The following METTL15 variants were observed in gnomAD, a reference collection of about 807,000 sequenced individuals.
The protein encoded by METTL15 is 12S rRNA N(4)-cytidine methyltransferase METTL15.
Under a neutral mutation model 38.3 loss-of-function variants are expected in METTL15, and 34 were observed. The observed-to-expected ratio is 0.89, with a 90% CI of 0.68 to 1.18. METTL15 has a LOEUF of 1.18. Ranked by LOEUF, METTL15 falls within the 50% of genes most tolerant of loss-of-function variation. The pLI, the probability that METTL15 is intolerant of heterozygous loss-of-function variation, is 0.00. For missense variants in METTL15, 438 were observed against 498.4 expected (o/e 0.88, Z 1.15); for synonymous variants, 162 against 170.9 (o/e 0.95, Z 0.41).
chr11:28,329,910 T>G (rs1017611411), intron 6 of METTL15, among the ~76,000 whole-genome samples: 1 of 152,180 alleles, frequency 6.6e-6, no homozygotes, highest in Non-Finnish European at 1.5e-5. Context: ...TGGCCTCCAG[T>G]GTGCTCATAA....
intron 3 of METTL15, among the ~76,000 whole-genome samples, chr11:28,159,270 C>T (rs1036575519): frequency 5.9e-5 from 9 of 151,974 alleles, no homozygotes; most frequent in Admixed American, 1.3e-4. Context: ...TCTACTACGC[C>T]GCAACGGAGG....
In METTL15 at chr11:28,290,207, A is replaced by C. The variant is rs1030230112; in HGVS notation, c.409A>C (p.Lys137Gln). ...LAEHLSELYP[K>Q]QIRAMLGQFS... is the part of the protein sequence containing the mutation. ...TCTATCTCCTGGGTTTACTCACAGT[A>C]AACAAATCCGAGCTATGCTGGGCCA... The change falls in exon 5 of 7, where the codon AAA becomes CAA. Residue 137 changes from lysine (K) to glutamine (Q), a missense_variant and splice_region_variant. Physicochemically the swap from Lys to Gln is moderately conservative, Grantham distance 53. Transcript: ENST00000407364. The C allele has an allele frequency of 1.2e-6, 2 of 1,607,434 alleles. No individual in the cohort carries two copies. The highest frequency in any genetic ancestry group is 1.7e-5 in the Admixed American group (1 of 59,058).
At chr11:28,192,431 CT>C (rs545100111) in intron 3 of METTL15, among the ~76,000 whole-genome samples, 358 of 136,640 alleles carry the variant, frequency 2.6e-3, no homozygotes, top group South Asian at 0.013. Flanking sequence ...TTTGATTTGC[CT>C]TTTTTTTTTT....
rs1305959114 is a variant in METTL15 at position 28,401,742 on chromosome 11, T to TA, written c.*359-22548dup. Among the ~76,000 whole-genome samples the TA allele has an allele frequency of 7.9e-5, 12 of 150,994 alleles. No homozygotes were observed. The South Asian group carries it at 8.4e-4, about 11-fold the overall frequency. ...CCTCATTTGGCTAGTTAAGAGTGAC[T>TA]AAAAAAAAACCACTACTCCTTTGTA... is the stretch of plus-strand genomic sequence containing the variant. On this transcript the variant is annotated intron_variant and NMD_transcript_variant, in intron 5 of 7. Transcript: ENST00000532947.
chr11:28,467,243 G>A (rs894483530), intron 6 of METTL15, among the ~76,000 whole-genome samples: 22 of 152,284 alleles, frequency 1.4e-4, no homozygotes, highest in African/African-American at 4.6e-4. Flanking sequence ...AGGGGTAGAG[G>A]GGTGGAGGAT....
chr11:28,493,384 C>A (rs1381612863), intron 6 of METTL15, among the ~76,000 whole-genome samples: 1 of 152,122 alleles, frequency 6.6e-6, no homozygotes, highest in Non-Finnish European at 1.5e-5. Flanking sequence ...ATTAAAGGTA[C>A]AATCATAGCT....
At chr11:28,471,267 T>G (rs1477689650) in intron 6 of METTL15, among the ~76,000 whole-genome samples, 1 of 152,146 alleles carries the variant, frequency 6.6e-6, no homozygotes, top group Non-Finnish European at 1.5e-5. Context: ...ACATACAGCA[T>G]TCCTTGCACT....
intron 3 of METTL15, among the ~76,000 whole-genome samples, chr11:28,128,484 TTTATTTTCAA>T (rs1852596270): frequency 6.6e-6 from 1 of 152,158 alleles, no homozygotes; most frequent in Non-Finnish European, 1.5e-5. Flanking sequence ...GTTATATACA[TTTATTTTCAA>T]GCTTCTTAAA....
chr11:28,414,833 C>T (rs890129622), intron 5 of METTL15, among the ~76,000 whole-genome samples: 10 of 152,156 alleles, frequency 6.6e-5, no homozygotes, highest in African/African-American at 2.2e-4. Context: ...AGATTATAAG[C>T]CACAGAAAGC....
At chr11:28,221,786 C>A (rs1284391740) in intron 4 of METTL15, among the ~76,000 whole-genome samples, 1 of 152,178 alleles carries the variant, frequency 6.6e-6, no homozygotes, top group Non-Finnish European at 1.5e-5. Context: ...GGACCCTCAG[C>A]TGCACATCTG....
At chr11:28,239,857 T>C (rs1854212332) in intron 4 of METTL15, among the ~76,000 whole-genome samples, 1 of 152,236 alleles carries the variant, frequency 6.6e-6, no homozygotes, top group South Asian at 2.1e-4. Flanking sequence ...TTATATTTTG[T>C]TATACAACAT....
At chr11:28,149,066 A>C (rs1376334211) in intron 3 of METTL15, among the ~76,000 whole-genome samples, 2 of 151,960 alleles carry the variant, frequency 1.3e-5, no homozygotes, top group Admixed American at 1.3e-4. Context: ...AGCTTTTGAG[A>C]AAGGCAATAA....
intron 3 of METTL15, among the ~76,000 whole-genome samples, chr11:28,143,194 G>C (rs1475291092): frequency 1.3e-5 from 2 of 151,938 alleles, no homozygotes; most frequent in Admixed American, 1.3e-4. Flanking sequence ...CTGTTTTGGA[G>C]CTCAGAGGTA....
At chr11:28,336,156 G>A (rs144777959), downstream of METTL15, among the ~76,000 whole-genome samples, 12 of 150,342 alleles carry the variant, frequency 8.0e-5, no homozygotes, top group East Asian at 2.3e-3. Context: ...TCACTCCCAT[G>A]TATTATTTAT....
At chr11:28,122,251 C>G in intron 3 of METTL15, 6 of 1,071,926 alleles carry the variant, frequency 5.6e-6, no homozygotes, top group Non-Finnish European at 7.3e-6. Context: ...TTGTTCATAT[C>G]ATGTTATAAA....
At chr11:28,297,786 G>T (rs1250941769) in intron 6 of METTL15, among the ~76,000 whole-genome samples, 1 of 151,690 alleles carries the variant, frequency 6.6e-6, no homozygotes, top group East Asian at 1.9e-4. Flanking sequence ...TTTTTCAGTG[G>T]TTCCTATTAA....
chr11:28,241,884 T>G (rs1854315175), intron 4 of METTL15, among the ~76,000 whole-genome samples: 1 of 152,182 alleles, frequency 6.6e-6, no homozygotes, highest in African/African-American at 2.4e-5. Flanking sequence ...AGATGACAGA[T>G]CATGCAAGAG....
At chr11:28,203,064 G>A (rs1852174637) in intron 3 of METTL15, among the ~76,000 whole-genome samples, 1 of 152,056 alleles carries the variant, frequency 6.6e-6, no homozygotes, top group South Asian at 2.1e-4. Flanking sequence ...AGGAGTCTGA[G>A]ATGAGTCTTA....
At chr11:28,112,690 A>G (rs1239799953) in intron 2 of METTL15, among the ~76,000 whole-genome samples, 1 of 152,190 alleles carries the variant, frequency 6.6e-6, no homozygotes, top group Non-Finnish European at 1.5e-5. Flanking sequence ...GTGTTTATAC[A>G]GTCATAGTTT....
Sources: allele counts gnomAD v4.1 joint callset (sites outside exome capture counted in the v4.1 genomes callset), GRCh38; gene constraint gnomAD v4.1.1; transcripts MANE v1.5; gene names NCBI Gene and HGNC (gene_info 2026-07-23, HGNC 2026-07-21).